The following RNF217 variants were observed in gnomAD, a reference collection of about 807,000 sequenced individuals.
The protein encoded by RNF217 is ring finger protein 217.
Under a neutral mutation model 57.8 loss-of-function variants are expected in RNF217, and 31 were observed. That is an observed-to-expected ratio of 0.54 (90% CI 0.40 to 0.72). The LOEUF is 0.72. RNF217 is among the 30% of genes least tolerant of loss of function. The probability of loss-of-function intolerance (pLI) is 0.00; values close to 1 mark genes in which losing one functional copy is unlikely to be tolerated. For synonymous variants in RNF217, 313 were observed against 294.0 expected, an observed-to-expected ratio of 1.06 and a Z score of -0.66; for missense variants, 696 against 708.3, an observed-to-expected ratio of 0.98 and a Z score of 0.20.
At chr6:125,034,476 T>C (rs1786513872) in intron 1 of RNF217, among the ~76,000 whole-genome samples, 1 of 152,180 alleles carries the variant, frequency 6.6e-6, no homozygotes, top group Non-Finnish European at 1.5e-5. Flanking sequence ...TGCTTGTTTT[T>C]GTCAGGTTTG....
rs1379517159 is a variant in RNF217, at chr6:125,011,155, T to C, written c.883-34056T>C. Among the ~76,000 whole-genome samples the C allele has an allele frequency of 5.3e-5, 8 of 152,184 alleles. No homozygotes were observed. In the East Asian group the frequency reaches 1.5e-3, roughly 29 times the overall value. ...AAGAAGAACTCCAAAGATAAGTTTT[T>C]CTTCTTTTAAAGTTTTGTCTAAGGC... On this transcript the variant is annotated intron_variant, in intron 1 of 5. Coordinates refer to ENST00000521654, the MANE Select transcript of RNF217 (RefSeq NM_001286398.3).
intron 3 of RNF217, among the ~76,000 whole-genome samples, chr6:125,065,047 G>A (rs1023833839): frequency 1.3e-4 from 20 of 151,850 alleles, no homozygotes; most frequent in African/African-American, 4.1e-4. Flanking sequence ...AGGCCGAGGC[G>A]GGCGGATCAC....
chr6:125,060,080 C>A (rs1021864504), intron 3 of RNF217, among the ~76,000 whole-genome samples: 3 of 151,902 alleles, frequency 2.0e-5, no homozygotes, highest in African/African-American at 7.3e-5. Context: ...ATGTTTTGCC[C>A]CATGGAACAT....
rs1783319275 is a variant in RNF217, at chr6:124,962,537, G to C, written c.-8G>C. On this transcript the variant is annotated 5_prime_UTR_variant, in exon 1 of 6. Transcript: ENST00000521654. The surrounding 1 kb of genome is among the most constrained non-coding windows in gnomAD (Gnocchi z 4.6). Reference sequence around the variant, plus strand: ...GATGGGCAGCGGCGGCGCGGGCCGCGGGCGGCGATGGGCGAGGAGCAGAGC... The same window carrying C: ...GATGGGCAGCGGCGGCGCGGGCCGCCGGCGGCGATGGGCGAGGAGCAGAGC... 1 of 1,178,360 alleles carries C rather than the reference G, an allele frequency of 8.5e-7. No individual in the cohort carries two copies. The highest frequency in any genetic ancestry group is 1.0e-6 in the Non-Finnish European group (1 of 953,020). 73.0% of individuals were successfully genotyped at this position (1,178,360 alleles called of 1,614,324 possible). A position where few individuals can be genotyped will look rare whatever the true frequency, so the allele number is the denominator to read the frequency against.
rs1409662642 is a variant in RNF217, at chr6:125,076,724, A to G, written c.1349A>G (p.Tyr450Cys). 1 of 1,613,530 alleles carries G rather than the reference A, an allele frequency of 6.2e-7. No homozygotes were observed. Among genetic ancestry groups the G allele is most frequent in the Non-Finnish European group, 8.5e-7 (1 of 1,179,616 alleles). Residue 450 changes from tyrosine to cysteine, a missense_variant, in exon 4 of 6, where the codon TAC (tyrosine) becomes TGC (cysteine). By Grantham distance (194) the Tyr-to-Cys change is radical (BLOSUM62 -2). This residue lies in a region of RNF217 where 231 missense variants were observed against 321.4 expected (regional missense o/e 0.72). Coordinates refer to ENST00000521654, the MANE Select transcript of RNF217 (RefSeq NM_001286398.3). ...TCACAATGTAACACTAATTTTTGTT[A>G]CCGATGTGGTGAGAGATACCGCCAG... ...TCSQCNTNFC[Y>C]RCGERYRQLR...
At chr6:125,075,713 A>G (rs1055919154) in intron 3 of RNF217, among the ~76,000 whole-genome samples, 1 of 152,182 alleles carries the variant, frequency 6.6e-6, no homozygotes, top group Non-Finnish European at 1.5e-5. Flanking sequence ...TTGATTAAAT[A>G]ATGTTAAGTT....
intron 2 of RNF217, among the ~76,000 whole-genome samples, chr6:125,056,189 A>C (rs1461921958): frequency 6.6e-6 from 1 of 152,146 alleles, no homozygotes; most frequent in Non-Finnish European, 1.5e-5. Flanking sequence ...TATAGTGAAA[A>C]TTATGCTAAA....
intron 1 of RNF217, among the ~76,000 whole-genome samples, chr6:124,984,876 C>A (rs559042412): frequency 7.2e-5 from 11 of 151,878 alleles, no homozygotes; most frequent in African/African-American, 2.7e-4. Flanking sequence ...TAAACTGAGA[C>A]AAAAGACAAT....
intron 1 of RNF217, among the ~76,000 whole-genome samples, chr6:124,987,701 G>T (rs904912485): frequency 6.6e-6 from 1 of 151,986 alleles, no homozygotes; most frequent in African/African-American, 2.4e-5. Flanking sequence ...GCTTTGAACT[G>T]CTAGGCTCAA....
At chr6:124,984,678 C>T (rs1417010463) in intron 1 of RNF217, among the ~76,000 whole-genome samples, 1 of 151,508 alleles carries the variant, frequency 6.6e-6, no homozygotes, top group East Asian at 1.9e-4. Flanking sequence ...GAAATGAAGT[C>T]CAGATATGTT....
intron 1 of RNF217, among the ~76,000 whole-genome samples, chr6:125,007,303 T>C (rs1029934627): frequency 5.3e-5 from 8 of 151,154 alleles, no homozygotes; most frequent in African/African-American, 1.9e-4. Flanking sequence ...TGGTGTGCAG[T>C]GGTGCGATCT....
Position 125,084,321 on chromosome 6 carries a change from T to C in RNF217, c.*1384T>C, listed in dbSNP as rs894605498. 2.6e-5 allele frequency: 4 copies of C among 151,812 alleles called. No homozygotes were observed. The highest frequency in any genetic ancestry group is 9.7e-5 in the African/African-American group (4 of 41,374). The allele number at this position is 151,812 out of a possible 1,614,324, so 9.4% of individuals were successfully genotyped here. A position where few individuals can be genotyped will look rare whatever the true frequency, so the allele number is the denominator to read the frequency against. On this transcript the variant is annotated 3_prime_UTR_variant, in exon 6 of 6. Transcript: ENST00000521654. ...TATTTTCAGGAAGTTTTTCTCAACCTACAAAAGCTTTAAAAATAAGAAATT... is the reference window on the plus strand; with the variant it reads ...TATTTTCAGGAAGTTTTTCTCAACCCACAAAAGCTTTAAAAATAAGAAATT...
intron 3 of RNF217, among the ~76,000 whole-genome samples, chr6:125,064,647 A>C (rs1004030332): frequency 6.6e-6 from 1 of 152,296 alleles, no homozygotes; most frequent in East Asian, 1.9e-4. Context: ...AAGCAGTCAA[A>C]TTTGTGCATG....
chr6:125,036,261 C>G (rs1307095995), intron 1 of RNF217, among the ~76,000 whole-genome samples: 2 of 152,094 alleles, frequency 1.3e-5, no homozygotes, highest in African/African-American at 2.4e-5. Flanking sequence ...TGAACTCATT[C>G]TTTTTTATGG....
intron 1 of RNF217, among the ~76,000 whole-genome samples, chr6:124,967,547 T>C (rs1783591288): frequency 6.6e-6 from 1 of 152,190 alleles, no homozygotes; most frequent in Non-Finnish European, 1.5e-5. Context: ...TGCTAGAGAT[T>C]GGCAGATGCA....
intron 1 of RNF217, among the ~76,000 whole-genome samples, chr6:125,005,172 A>G (rs1183693063): frequency 1.3e-5 from 2 of 152,228 alleles, no homozygotes; most frequent in African/African-American, 4.8e-5. Flanking sequence ...AAATTTCAAC[A>G]TGAGCTTCAG....
rs761085449 is a variant in RNF217 at position 124,963,403 on chromosome 6, C to T, written c.859C>T (p.Leu287Phe). The change falls in exon 1 of 6, where the codon CTC becomes TTC. Residue 287 changes from leucine (L) to phenylalanine (F), a missense_variant. This residue lies in a region of RNF217 where 231 missense variants were observed against 321.4 expected (regional missense o/e 0.72). Coordinates refer to ENST00000521654, the MANE Select transcript of RNF217 (RefSeq NM_001286398.3). ...CCKKAVCEEC[L>F]KVYLSAQVQL... Reference sequence around the variant, plus strand: ...CAAGAAGGCCGTGTGCGAGGAGTGCCTCAAAGTCTACCTGAGCGCCCAGGT... The same window carrying T: ...CAAGAAGGCCGTGTGCGAGGAGTGCTTCAAAGTCTACCTGAGCGCCCAGGT... 2.0e-6 allele frequency: 3 copies of T among 1,486,288 alleles called. No individual in the cohort carries two copies. Among genetic ancestry groups the T allele is most frequent in the Non-Finnish European group, 2.7e-6 (3 of 1,122,610 alleles). 92.1% of individuals were successfully genotyped at this position (1,486,288 alleles called of 1,614,324 possible). A position where few individuals can be genotyped will look rare whatever the true frequency, so the allele number is the denominator to read the frequency against.
chr6:125,079,406 A>T (rs564435476), intron 4 of RNF217, among the ~76,000 whole-genome samples: 6 of 152,050 alleles, frequency 3.9e-5, no homozygotes, highest in African/African-American at 1.4e-4. Context: ...AAACAAAAAC[A>T]ATGGAGCCTT....
Position 124,964,658 on chromosome 6 carries a change from G to T in RNF217, c.882+1232G>T, listed in dbSNP as rs1350990252. On this transcript the variant is annotated intron_variant, in intron 1 of 5. Coordinates refer to ENST00000521654, the MANE Select transcript of RNF217 (RefSeq NM_001286398.3). ...GGTATGTTACATAAACAGTAAGTTG[G>T]CTAAAATAGTTGGGATTATTTAAAA... Among the ~76,000 whole-genome samples, 3 of 152,266 alleles carry T rather than the reference G, an allele frequency of 2.0e-5. No individual in the cohort carries two copies. The East Asian group carries it at 5.8e-4, about 29-fold the overall frequency.
Sources: allele counts gnomAD v4.1 joint callset (sites outside exome capture counted in the v4.1 genomes callset), GRCh38; gene constraint gnomAD v4.1.1; regional missense constraint gnomAD v4.1.1; non-coding constraint Gnocchi (gnomAD v3.1); transcripts MANE v1.5; gene names NCBI Gene and HGNC (gene_info 2026-07-23, HGNC 2026-07-21).